Variants in CADM2 observed in about 807,000 individuals in gnomAD.
CADM2 encodes cell adhesion molecule 2.
In CADM2, 12 loss-of-function variants were observed where a neutral mutation model predicts 49.8. The observed-to-expected ratio is 0.24, with a 90% CI of 0.15 to 0.39. The LOEUF (loss-of-function observed/expected upper bound fraction) is 0.39. Among genes scored for constraint, CADM2 ranks in the 10% least tolerant of loss-of-function variants. The probability of loss-of-function intolerance (pLI) is 1.00; values close to 1 mark genes in which losing one functional copy is unlikely to be tolerated. For missense variants in CADM2, 378 were observed against 492.3 expected, an observed-to-expected ratio of 0.77 and a Z score of 2.20; for synonymous variants, 214 against 175.4, an observed-to-expected ratio of 1.22 and a Z score of -1.74.
chr3:85,572,732 C>T (rs1194958114), intron 1 of CADM2, among the ~76,000 whole-genome samples: 1 of 152,152 alleles, frequency 6.6e-6, no homozygotes, highest in East Asian at 1.9e-4. Context: ...TGTCCAAGGA[C>T]AGGAGAGAAA....
chr3:85,146,426 C>A (rs753051191), intron 1 of CADM2, among the ~76,000 whole-genome samples: 2 of 151,984 alleles, frequency 1.3e-5, no homozygotes, highest in East Asian at 1.9e-4. Flanking sequence ...CAGGTAGAAG[C>A]GACAAATACA....
At chr3:84,995,392 T>G (rs963848091) in intron 1 of CADM2, among the ~76,000 whole-genome samples, 3 of 152,216 alleles carry the variant, frequency 2.0e-5, no homozygotes, top group Non-Finnish European at 4.4e-5. Context: ...TTTCTGGGAT[T>G]AATACAATTT....
intron 8 of CADM2, among the ~76,000 whole-genome samples, chr3:86,011,412 G>A (rs1731494012): frequency 6.6e-6 from 1 of 152,070 alleles, no homozygotes; most frequent in Admixed American, 6.6e-5. Flanking sequence ...ATATTAAGTA[G>A]ATATTTGAAA....
intron 1 of CADM2, among the ~76,000 whole-genome samples, chr3:85,140,806 T>C (rs77457096): frequency 6.6e-6 from 1 of 152,210 alleles, no homozygotes; most frequent in African/African-American, 2.4e-5. Flanking sequence ...CATGCCAGAA[T>C]ATCACAGCTT....
intron 1 of CADM2, among the ~76,000 whole-genome samples, chr3:85,662,641 C>A (rs570510574): frequency 6.6e-6 from 1 of 152,148 alleles, no homozygotes; most frequent in East Asian, 1.9e-4. Flanking sequence ...ACATGCTGTT[C>A]TTTGCCTGAG....
At chr3:85,601,668 G>A (rs904903488) in intron 1 of CADM2, among the ~76,000 whole-genome samples, 1 of 151,228 alleles carries the variant, frequency 6.6e-6, no homozygotes, top group African/African-American at 2.4e-5. Flanking sequence ...ATGAGTATTT[G>A]AATCTGTTTA....
At chr3:85,713,550 G>A (rs1156947339) in intron 1 of CADM2, among the ~76,000 whole-genome samples, 1 of 152,098 alleles carries the variant, frequency 6.6e-6, no homozygotes, top group East Asian at 1.9e-4. Context: ...ATGCCACTTA[G>A]GCACTCCATA....
intron 8 of CADM2, among the ~76,000 whole-genome samples, chr3:86,028,547 A>C (rs1000243411): frequency 6.6e-6 from 1 of 152,032 alleles, no homozygotes; most frequent in South Asian, 2.1e-4. Context: ...CTTCTTTTAC[A>C]CTCCTCTCTT....
rs1248113591 is a variant in CADM2, at chr3:85,359,664, ATAT to A, written c.62-366856_62-366854del. Among the ~76,000 whole-genome samples, 16 of 30,018 alleles carry A rather than the reference ATAT, an allele frequency of 5.3e-4. 1 individual carries two copies. Among genetic ancestry groups the A allele is most frequent in the African/African-American group, 1.0e-3 (10 of 9,978 alleles). The allele number at this position is 30,018 out of a possible 152,430, so 19.7% of individuals were successfully genotyped here. ...TATATATATATATATATATATATATATATTTTTTTTTTTGGTGGAGGGGAGAAG... is the reference window on the plus strand; with the variant it reads ...TATATATATATATATATATATATATATTTTTTTTTTGGTGGAGGGGAGAAG... On this transcript the variant is annotated intron_variant, in intron 1 of 9. Coordinates refer to ENST00000383699, the MANE Select transcript of CADM2 (RefSeq NM_001167675.2).
At chr3:85,978,884 G>T (rs1444597398) in intron 8 of CADM2, among the ~76,000 whole-genome samples, 1 of 151,204 alleles carries the variant, frequency 6.6e-6, no homozygotes, top group African/African-American at 2.4e-5. Context: ...AAATGACTCA[G>T]TGAACAAATG....
chr3:85,810,819 C>T lies in CADM2; in HGVS notation c.238+8623C>T, dbSNP rs181523469. Among the ~76,000 whole-genome samples the T allele has an allele frequency of 2.2e-3, 337 of 152,158 alleles. 1 individual carries two copies. The highest frequency in any genetic ancestry group is 7.8e-3 in the African/African-American group (324 of 41,532). On this transcript the variant is annotated intron_variant, in intron 3 of 9. Transcript: ENST00000383699. ...CCTCCCCAAGTGCTGGGATTACAGG[C>T]GTGAACCACCATGCCTGGCCTCATA... is the stretch of plus-strand genomic sequence containing the variant.
intron 1 of CADM2, among the ~76,000 whole-genome samples, chr3:84,994,922 G>A (rs368753807): frequency 2.6e-5 from 4 of 152,106 alleles, no homozygotes; most frequent in African/African-American, 9.6e-5. Flanking sequence ...AGCTACTTGG[G>A]AGGCTGAGGC....
intron 1 of CADM2, among the ~76,000 whole-genome samples, chr3:85,034,113 T>C (rs2035103296): frequency 6.6e-6 from 1 of 152,190 alleles, no homozygotes; most frequent in Non-Finnish European, 1.5e-5. Context: ...ATCCTTCCTT[T>C]GTGTTATAAA....
chr3:85,466,811 G>GA (rs1278589206), intron 1 of CADM2, among the ~76,000 whole-genome samples: 5 of 151,566 alleles, frequency 3.3e-5, no homozygotes, highest in Admixed American at 6.6e-5. Context: ...AGTATCAGCT[G>GA]ATAGAAAATA....
intron 1 of CADM2, among the ~76,000 whole-genome samples, chr3:85,377,058 T>C (rs2107340663): frequency 6.6e-6 from 1 of 152,224 alleles, no homozygotes; most frequent in Non-Finnish European, 1.5e-5. Context: ...TTAAATTTGC[T>C]CTTATTTTGT....
chr3:85,589,149 G>T (rs1287869342), intron 1 of CADM2, among the ~76,000 whole-genome samples: 1 of 151,998 alleles, frequency 6.6e-6, no homozygotes, highest in Admixed American at 6.6e-5. Context: ...ATGTTTGTGT[G>T]TGGGGAGGAG....
At chr3:85,293,397 C>G (rs555080630) in intron 1 of CADM2, among the ~76,000 whole-genome samples, 3,843 of 147,522 alleles carry the variant, frequency 0.026, 158 homozygotes, top group African/African-American at 0.092. Flanking sequence ...GAAACTATTC[C>G]AATCAACAGA....
intron 2 of CADM2, among the ~76,000 whole-genome samples, chr3:85,776,421 A>T (rs1268464460): frequency 6.6e-6 from 1 of 151,924 alleles, no homozygotes; most frequent in African/African-American, 2.4e-5. Flanking sequence ...TGTGAATACT[A>T]CTGAAGTCAA....
Position 85,936,047 on chromosome 3 carries a change from A to T in CADM2, c.791+190A>T, listed in dbSNP as rs530130108. 5.9e-5 allele frequency among the ~76,000 whole-genome samples: 9 copies of T among 151,730 alleles called. 1 individual carries two copies. The highest frequency in any genetic ancestry group is 2.2e-4 in the African/African-American group (9 of 41,442). On this transcript the variant is annotated intron_variant, in intron 7 of 9. Coordinates refer to ENST00000383699, the MANE Select transcript of CADM2 (RefSeq NM_001167675.2). Reference sequence around the variant, plus strand: ...AAGATTGGTTTTTACTTTGTCATCTAGTGAAGTTTCTGGGAAGATTTCCAG... The same window carrying T: ...AAGATTGGTTTTTACTTTGTCATCTTGTGAAGTTTCTGGGAAGATTTCCAG...
Sources: gnomAD v4.1 joint callset for allele counts (sites outside exome capture counted in the v4.1 genomes callset) on GRCh38, gnomAD v4.1.1 for gene constraint, MANE v1.5 for transcripts, NCBI Gene and HGNC (gene_info 2026-07-23, HGNC 2026-07-21) for gene names.